TMOD2: variants seen among roughly 807,000 people sequenced by gnomAD.
TMOD2 encodes tropomodulin-2.
TMOD2 carries 22 observed loss-of-function variants against 39.9 expected under a neutral mutation model. The observed-to-expected ratio is 0.55, with a 90% CI of 0.39 to 0.79. The LOEUF (loss-of-function observed/expected upper bound fraction) is 0.79. Ranked by LOEUF, TMOD2 falls within the 30% of genes least tolerant of loss-of-function variation. TMOD2 has a pLI of 0.00. For missense variants in TMOD2, 386 were observed against 413.3 expected (o/e 0.93, Z 0.57); for synonymous variants, 123 against 146.1 (o/e 0.84, Z 1.14).
intron 6 of TMOD2, 125 bp from the exon 7 acceptor site, chr15:51,782,596 C>T (rs757882798): frequency 2.7e-6 from 2 of 744,926 alleles, no homozygotes; most frequent in Non-Finnish European, 4.5e-6. Flanking sequence ...GGTAATGACC[C>T]TCATTTAGAA....
At chr15:51,756,642 T>G (rs2055743858) in intron 1 of TMOD2, among the ~76,000 whole-genome samples, 1 of 152,228 alleles carries the variant, frequency 6.6e-6, no homozygotes, top group South Asian at 2.1e-4. Context: ...GTGGGCACCT[T>G]GTTTTTCAAG....
chr15:51,798,591 AG>A (rs1269655212), intron 8 of TMOD2, among the ~76,000 whole-genome samples: 3 of 152,232 alleles, frequency 2.0e-5, no homozygotes, highest in African/African-American at 7.2e-5. Flanking sequence ...TAGGCTAGTC[AG>A]GCTCCAGAAG....
chr15:51,753,969 G>C (rs781700806), intron 1 of TMOD2, among the ~76,000 whole-genome samples: 3 of 152,018 alleles, frequency 2.0e-5, no homozygotes, highest in Non-Finnish European at 4.4e-5. Flanking sequence ...GGGGTGGTTC[G>C]TGACAAACAG....
rs1481127387 is a variant in TMOD2 at position 51,813,874 on chromosome 15, GT to G, written c.*5424del. The G allele has an allele frequency of 6.6e-6, 1 of 152,168 alleles. No individual in the cohort carries two copies. The highest frequency in any genetic ancestry group is 6.5e-5 in the Admixed American group (1 of 15,276). The allele number at this position is 152,168 out of a possible 1,614,324, so 9.4% of individuals were successfully genotyped here. Reference sequence around the variant, plus strand: ...AGATCAGTTTTATTATCAAATCACTGTTTTCCACTGCCTCTTGAATCGGCTT... The same window carrying G: ...AGATCAGTTTTATTATCAAATCACTGTTTCCACTGCCTCTTGAATCGGCTT... On this transcript the variant is annotated 3_prime_UTR_variant, in exon 10 of 10. Transcript: ENST00000249700.
Position 51,801,235 on chromosome 15 carries a change from T to TCACACACACA in TMOD2, c.876+2896_876+2897insACACACACAC, listed in dbSNP as rs745892590. ...CTCTCTCCCTCTCTCTCTCTCTCTC[T>TCACACACACA]CTCACACACACACACACACACACAC... On this transcript the variant is annotated intron_variant, in intron 8 of 9. Coordinates refer to ENST00000249700, the MANE Select transcript of TMOD2 (RefSeq NM_014548.4). 5.9e-3 allele frequency among the ~76,000 whole-genome samples: 646 copies of TCACACACACA among 108,880 alleles called. 7 individuals are homozygous for TCACACACACA. Among genetic ancestry groups the TCACACACACA allele is most frequent in the African/African-American group, 0.021 (542 of 25,482 alleles). The allele number at this position is 108,880 out of a possible 152,430, so 71.4% of individuals were successfully genotyped here.
At chr15:51,780,434 G>A (rs1028858578) in intron 5 of TMOD2, among the ~76,000 whole-genome samples, 6 of 152,174 alleles carry the variant, frequency 3.9e-5, no homozygotes, top group South Asian at 2.1e-4. Context: ...TCTTCTGAGC[G>A]TATTATTGGT....
intron 1 of TMOD2, among the ~76,000 whole-genome samples, chr15:51,753,957 C>G (rs1057211760): frequency 6.6e-6 from 1 of 151,780 alleles, no homozygotes; most frequent in Admixed American, 6.6e-5. Context: ...TTGTAGAAGA[C>G]GGGGGTGGTT....
chr15:51,758,686 C>T lies in TMOD2; in HGVS notation c.-70+6974C>T, dbSNP rs139485882. The stretch of plus-strand genomic sequence containing the variant: ...ATAAAGCAAGTAGTTGTAATAAAGC[C>T]AAGAACAGATGTGATTAAAGGGGTA... On this transcript the variant is annotated intron_variant, in intron 1 of 9. Coordinates refer to ENST00000249700, the MANE Select transcript of TMOD2 (RefSeq NM_014548.4). Among the ~76,000 whole-genome samples the T allele has an allele frequency of 8.1e-3, 1,228 of 152,266 alleles. 3 individuals carry two copies. Among genetic ancestry groups the T allele is most frequent in the Non-Finnish European group, 0.013 (904 of 68,020 alleles).
Position 51,808,681 on chromosome 15 carries a change from G to T in TMOD2, c.*227G>T. On this transcript the variant is annotated 3_prime_UTR_variant, in exon 10 of 10. Transcript: ENST00000249700. ...GGCACTTCTGGCAACTTGACAAATG[G>T]ACCGATGCAGATTTTAGAGAGTGAC... 1 of 384,134 alleles carries T rather than the reference G, an allele frequency of 2.6e-6. No homozygotes were observed. The allele number at this position is 384,134 out of a possible 1,614,324, so 23.8% of individuals were successfully genotyped here. A position where few individuals can be genotyped will look rare whatever the true frequency, so the allele number is the denominator to read the frequency against.
intron 6 of TMOD2, among the ~76,000 whole-genome samples, 175 bp from the exon 7 acceptor site, chr15:51,782,546 T>A (rs945308760): frequency 2.0e-5 from 3 of 152,218 alleles, no homozygotes; most frequent in African/African-American, 7.2e-5. Flanking sequence ...GGACACTAAG[T>A]GGTGCTGTTA....
At chr15:51,797,689 T>C (rs552301630) in intron 7 of TMOD2, among the ~76,000 whole-genome samples, 4 of 152,264 alleles carry the variant, frequency 2.6e-5, no homozygotes, top group Admixed American at 1.3e-4. Flanking sequence ...TCAGTGGTGA[T>C]TTTGTTCCAA....
In TMOD2 at chr15:51,809,310, TAATC is replaced by T. The variant is rs1174412486; in HGVS notation, c.*859_*862del. 1 of 152,668 alleles carries T rather than the reference TAATC, an allele frequency of 6.6e-6. No individual in the cohort carries two copies. The highest frequency in any genetic ancestry group is 2.4e-5 in the African/African-American group (1 of 41,468). 9.5% of individuals were successfully genotyped at this position (152,668 alleles called of 1,614,324 possible). A position where few individuals can be genotyped will look rare whatever the true frequency, so the allele number is the denominator to read the frequency against. On this transcript the variant is annotated 3_prime_UTR_variant, in exon 10 of 10. Coordinates refer to ENST00000249700, the MANE Select transcript of TMOD2 (RefSeq NM_014548.4). ...TGAATAAAACAACAATATTGTATCT[TAATC>T]AAGGCTGTCTGATGCAGATGATTGC...
Position 51,782,768 on chromosome 15 carries a change from C to G in TMOD2, c.672C>G (p.Thr224=), listed in dbSNP as rs367806462. The change falls in exon 7 of 10, where the codon ACC becomes ACG. Residue 224 remains threonine, a synonymous_variant. Coordinates refer to ENST00000249700, the MANE Select transcript of TMOD2 (RefSeq NM_014548.4). ...GGGAATTTGCAAAGGCTCTGGAGAC[C>G]AACACTCACGTGAAGAAGTTCAGCC... ...TLREFAKALE[T]NTHVKKFSLA... The G allele has an allele frequency of 6.2e-7, 1 of 1,613,998 alleles. No homozygotes were observed. The highest frequency in any genetic ancestry group is 8.5e-7 in the Non-Finnish European group (1 of 1,179,912).
At chr15:51,774,325 T>C (rs2141621967) in intron 4 of TMOD2, among the ~76,000 whole-genome samples, 1 of 152,118 alleles carries the variant, frequency 6.6e-6, no homozygotes. Context: ...GGTCAAAGAG[T>C]ACAAAAGAAT....
chr15:51,787,976 A>G (rs1441496374), intron 7 of TMOD2, among the ~76,000 whole-genome samples: 1 of 152,216 alleles, frequency 6.6e-6, no homozygotes, highest in Non-Finnish European at 1.5e-5. Flanking sequence ...CTCACCAGCA[A>G]GGGAACAAAA....
intron 7 of TMOD2, among the ~76,000 whole-genome samples, chr15:51,791,625 C>T (rs1408431248): frequency 2.0e-5 from 3 of 152,208 alleles, no homozygotes; most frequent in Non-Finnish European, 4.4e-5. Context: ...GCTACAGTAA[C>T]CAAAACAGCA....
At chr15:51,758,826 G>C (rs1189837531) in intron 1 of TMOD2, among the ~76,000 whole-genome samples, 1 of 152,160 alleles carries the variant, frequency 6.6e-6, no homozygotes, top group African/African-American at 2.4e-5. Flanking sequence ...AGCCAGAGGG[G>C]AGTGGGGTGA....
Position 51,777,095 on chromosome 15 carries a change from G to A in TMOD2, c.493+77G>A. On this transcript the variant is annotated intron_variant, in intron 5 of 9. Coordinates refer to ENST00000249700, the MANE Select transcript of TMOD2 (RefSeq NM_014548.4). ...TGCTGGTAGGAGAGAGGCCTGTTGAGTCTTGCAGGCTTTACACTCTGTCAT... is the reference window on the plus strand; with the variant it reads ...TGCTGGTAGGAGAGAGGCCTGTTGAATCTTGCAGGCTTTACACTCTGTCAT... 2 of 1,221,946 alleles carry A rather than the reference G, an allele frequency of 1.6e-6. 1 individual carries two copies. The highest frequency in any genetic ancestry group is 2.5e-5 in the South Asian group (2 of 80,876). The allele number at this position is 1,221,946 out of a possible 1,614,324, so 75.7% of individuals were successfully genotyped here. A position where few individuals can be genotyped will look rare whatever the true frequency, so the allele number is the denominator to read the frequency against.
intron 3 of TMOD2, 148 bp from the exon 4 acceptor site, chr15:51,773,564 C>T: frequency 3.1e-6 from 2 of 651,774 alleles, no homozygotes; most frequent in Non-Finnish European, 4.9e-6. Flanking sequence ...ATGTTGGTAC[C>T]ATCCTGGCAA....
Sources: gnomAD v4.1 joint callset for allele counts (sites outside exome capture counted in the v4.1 genomes callset) on GRCh38, gnomAD v4.1.1 for gene constraint, MANE v1.5 for transcripts, NCBI Gene and HGNC (gene_info 2026-07-23, HGNC 2026-07-21) for gene names.